The following LRRTM4 variants were observed in gnomAD, a reference collection of about 807,000 sequenced individuals.
LRRTM4 encodes the protein leucine-rich repeat transmembrane neuronal protein 4.
Under a neutral mutation model 47.6 loss-of-function variants are expected in LRRTM4, and 25 were observed. The ratio of observed to expected loss-of-function variants is 0.53; its 90% CI spans 0.38 to 0.73. LRRTM4 has a LOEUF of 0.73. Ranked by LOEUF, LRRTM4 falls within the 30% of genes least tolerant of loss-of-function variation. The pLI, the probability that LRRTM4 is intolerant of heterozygous loss-of-function variation, is 0.00. For missense variants in LRRTM4, 638 were observed against 713.4 expected, an observed-to-expected ratio of 0.89 and a Z score of 1.20; for synonymous variants, 311 against 269.5, an observed-to-expected ratio of 1.15 and a Z score of -1.51.
intron 3 of LRRTM4, among the ~76,000 whole-genome samples, chr2:77,132,069 G>C (rs186575420): frequency 6.6e-6 from 1 of 152,126 alleles, no homozygotes; most frequent in East Asian, 1.9e-4. Flanking sequence ...TAGTCATCTT[G>C]CTCTGCTATC....
At chr2:76,798,790 A>G (rs1043175023) in intron 3 of LRRTM4, among the ~76,000 whole-genome samples, 2 of 151,728 alleles carry the variant, frequency 1.3e-5, no homozygotes, top group African/African-American at 4.8e-5. Context: ...TCCCACAGAA[A>G]TACAAACTAC....
At chr2:77,360,592 A>G (rs1672173214) in intron 3 of LRRTM4, among the ~76,000 whole-genome samples, 1 of 150,940 alleles carries the variant, frequency 6.6e-6, no homozygotes, top group African/African-American at 2.5e-5. Context: ...ATACATACAT[A>G]CATAGTGCTT....
At chr2:77,087,493 G>A (rs1680757162) in intron 3 of LRRTM4, among the ~76,000 whole-genome samples, 1 of 152,210 alleles carries the variant, frequency 6.6e-6, no homozygotes, top group South Asian at 2.1e-4. Context: ...ACACCTGGCT[G>A]AAAGCCCAAA....
chr2:77,052,026 GAC>G (rs1054891043), intron 3 of LRRTM4, among the ~76,000 whole-genome samples: 14 of 151,408 alleles, frequency 9.2e-5, no homozygotes, highest in African/African-American at 3.4e-4. Context: ...TTATAAATGA[GAC>G]ATAGATTGTG....
intron 3 of LRRTM4, among the ~76,000 whole-genome samples, chr2:77,113,149 A>G (rs1054762378): frequency 1.2e-4 from 18 of 152,168 alleles, no homozygotes; most frequent in African/African-American, 3.6e-4. Context: ...AAGTCATCGG[A>G]GCCTGTGAGC....
At chr2:76,864,894 T>C (rs1199154668) in intron 3 of LRRTM4, among the ~76,000 whole-genome samples, 2 of 138,642 alleles carry the variant, frequency 1.4e-5, no homozygotes, top group Non-Finnish European at 1.5e-5. Flanking sequence ...TTCAGCTGTT[T>C]TTTTTTTTTT....
At chr2:77,422,942 A>AG (rs1221125391) in intron 3 of LRRTM4, among the ~76,000 whole-genome samples, 4 of 152,148 alleles carry the variant, frequency 2.6e-5, no homozygotes, top group Non-Finnish European at 4.4e-5. Context: ...AGTCATATTA[A>AG]GGGAAAAAAC....
rs143942936 is a variant in LRRTM4 at position 76,983,903 on chromosome 2, T to C, written c.1552-234987A>G. The stretch of plus-strand genomic sequence containing the variant: ...GATACTGGGCCACAAGAAAGTTGTG[T>C]TTCTAGATGACATGCACCTATTTTT... On this transcript the variant is annotated intron_variant, in intron 3 of 3. Coordinates refer to ENST00000409884, the MANE Select transcript of LRRTM4 (RefSeq NM_001134745.3). 3.6e-3 allele frequency among the ~76,000 whole-genome samples: 543 copies of C among 152,178 alleles called. 1 individual carries two copies. Among genetic ancestry groups the C allele is most frequent in the Non-Finnish European group, 6.0e-3 (407 of 67,980 alleles).
intron 3 of LRRTM4, among the ~76,000 whole-genome samples, chr2:76,783,820 C>T (rs906468264): frequency 3.3e-5 from 5 of 151,880 alleles, no homozygotes; most frequent in East Asian, 3.8e-4. Flanking sequence ...TCAGCAGTGC[C>T]GTATATTTTA....
intron 3 of LRRTM4, among the ~76,000 whole-genome samples, chr2:76,815,685 C>T (rs1194131631): frequency 6.6e-6 from 1 of 151,948 alleles, no homozygotes; most frequent in East Asian, 1.9e-4. Flanking sequence ...TGAGACTGGG[C>T]AATATCAGAT....
intron 3 of LRRTM4, among the ~76,000 whole-genome samples, chr2:76,875,435 G>T (rs539438189): frequency 6.6e-6 from 1 of 152,022 alleles, no homozygotes; most frequent in Non-Finnish European, 1.5e-5. Flanking sequence ...ATTCCCAGGA[G>T]GTCACCTTTA....
intron 3 of LRRTM4, among the ~76,000 whole-genome samples, chr2:76,854,687 A>G (rs1371424640): frequency 1.3e-5 from 2 of 152,186 alleles, no homozygotes; most frequent in Non-Finnish European, 2.9e-5. Context: ...CTTGCTCTAG[A>G]TTATCTAACT....
intron 3 of LRRTM4, among the ~76,000 whole-genome samples, chr2:76,867,429 G>A (rs2104034236): frequency 6.6e-6 from 1 of 152,268 alleles, no homozygotes; most frequent in South Asian, 2.1e-4. Flanking sequence ...AAATACCTGG[G>A]TTATGGCCAA....
At chr2:77,407,185 C>A (rs1674224032) in intron 3 of LRRTM4, among the ~76,000 whole-genome samples, 1 of 152,116 alleles carries the variant, frequency 6.6e-6, no homozygotes, top group Non-Finnish European at 1.5e-5. Context: ...TGAATTCACA[C>A]ATATATGCTG....
intron 3 of LRRTM4, among the ~76,000 whole-genome samples, chr2:76,801,753 A>AC (rs1488994860): frequency 6.6e-6 from 1 of 152,164 alleles, no homozygotes; most frequent in Non-Finnish European, 1.5e-5. Flanking sequence ...ATTCAATAGC[A>AC]CATTAAAAGG....
chr2:77,192,542 A>C (rs187710401), intron 3 of LRRTM4, among the ~76,000 whole-genome samples: 8 of 152,280 alleles, frequency 5.3e-5, no homozygotes, highest in Admixed American at 4.6e-4. Context: ...TTTTTCTAAA[A>C]AATGTAAAAA....
chr2:77,441,227 CAGT>C (rs1675830065), intron 3 of LRRTM4, among the ~76,000 whole-genome samples: 1 of 152,128 alleles, frequency 6.6e-6, no homozygotes, highest in Non-Finnish European at 1.5e-5. Context: ...AATGAATGCT[CAGT>C]AGAGCAAAGA....
At chr2:77,156,250 A>C (rs1264667100) in intron 3 of LRRTM4, among the ~76,000 whole-genome samples, 1 of 151,916 alleles carries the variant, frequency 6.6e-6, no homozygotes, top group Non-Finnish European at 1.5e-5. Context: ...ATGAAATAAC[A>C]GAATAAAAGC....
intron 3 of LRRTM4, among the ~76,000 whole-genome samples, chr2:77,388,783 T>C (rs953821153): frequency 1.3e-5 from 2 of 152,066 alleles, no homozygotes; most frequent in Admixed American, 6.6e-5. Flanking sequence ...CACTGAAATA[T>C]ATATAGAGAG....
Sources: gnomAD v4.1 joint callset for allele counts (sites outside exome capture counted in the v4.1 genomes callset) on GRCh38, gnomAD v4.1.1 for gene constraint, MANE v1.5 for transcripts, NCBI Gene and HGNC (gene_info 2026-07-23, HGNC 2026-07-21) for gene names.